KSR1: variants seen among roughly 807,000 people sequenced by gnomAD.
KSR1 encodes kinase suppressor of ras 1.
KSR1 carries 35 observed loss-of-function variants against 92.9 expected under a neutral mutation model. The ratio of observed to expected loss-of-function variants is 0.38; its 90% CI spans 0.29 to 0.50. The LOEUF (loss-of-function observed/expected upper bound fraction) is 0.50. Ranked by LOEUF, KSR1 falls within the 20% of genes least tolerant of loss-of-function variation. The pLI, the probability that KSR1 is intolerant of heterozygous loss-of-function variation, is 0.94. For missense variants in KSR1, 972 were observed against 1,158.5 expected, an observed-to-expected ratio of 0.84 and a Z score of 2.34; for synonymous variants, 467 against 472.6, an observed-to-expected ratio of 0.99 and a Z score of 0.15.
intron 5 of KSR1, 40 bp from the exon 6 acceptor site, chr17:27,588,435 G>T: frequency 6.5e-7 from 1 of 1,541,576 alleles, no homozygotes; most frequent in Non-Finnish European, 8.8e-7. Context: ...TGTCGCCTGC[G>T]GAGTTCCTCA....
intron 18 of KSR1, among the ~76,000 whole-genome samples, chr17:27,616,224 A>G (rs896460296): frequency 3.9e-5 from 6 of 152,074 alleles, no homozygotes; most frequent in African/African-American, 1.4e-4. Context: ...TTCCTGCCCA[A>G]TAGTCTGTTT....
At chr17:27,498,389 A>C (rs1282272827) in intron 1 of KSR1, among the ~76,000 whole-genome samples, 1 of 151,990 alleles carries the variant, frequency 6.6e-6, no homozygotes, top group Non-Finnish European at 1.5e-5. Flanking sequence ...ACTTACACAC[A>C]ACTTGATGTG....
chr17:27,515,559 C>T (rs1045642983), intron 1 of KSR1, among the ~76,000 whole-genome samples: 3 of 149,896 alleles, frequency 2.0e-5, no homozygotes, highest in Non-Finnish European at 4.4e-5. Context: ...CTTTGCCTCT[C>T]ATATAATGGT....
At chr17:27,477,247 C>G (rs1162799197) in intron 1 of KSR1, among the ~76,000 whole-genome samples, 2 of 152,192 alleles carry the variant, frequency 1.3e-5, no homozygotes, top group African/African-American at 4.8e-5. Flanking sequence ...TTTGTGCTGA[C>G]CTCCTGTCTC....
chr17:27,555,537 T>C (rs1386301050), intron 2 of KSR1, among the ~76,000 whole-genome samples: 5 of 147,456 alleles, frequency 3.4e-5, no homozygotes, highest in Non-Finnish European at 6.0e-5. Context: ...TGTGTGTGTG[T>C]AGCACTTCCG....
intron 1 of KSR1, among the ~76,000 whole-genome samples, chr17:27,503,496 C>T (rs756575798): frequency 4.6e-5 from 7 of 152,260 alleles, no homozygotes; most frequent in Non-Finnish European, 8.8e-5. Context: ...GTCAGAAGTT[C>T]GAGATTCTCT....
chr17:27,616,921 A>G (rs2074077141), intron 18 of KSR1, among the ~76,000 whole-genome samples: 2 of 152,190 alleles, frequency 1.3e-5, no homozygotes, highest in African/African-American at 4.8e-5. Context: ...CGCCTTGCGC[A>G]TATTCCGAGC....
Position 27,611,632 on chromosome 17 carries a change from A to AAGT in KSR1, c.2493+8_2493+10dup. On this transcript the variant is annotated splice_donor_region_variant and intron_variant, in intron 18 of 20. Transcript: ENST00000644974. ...TCAGCTTGGGGAAGGAAGTCAGTGTAAGTAGTACCTGCCCTGGGTGGAGCA... is the reference window on the plus strand; with the variant it reads ...TCAGCTTGGGGAAGGAAGTCAGTGTAAGTAGTAGTACCTGCCCTGGGTGGAGCA... The AAGT allele has an allele frequency of 6.2e-7, 1 of 1,613,760 alleles. No homozygotes were observed. Among genetic ancestry groups the AAGT allele is most frequent in the Non-Finnish European group, 8.5e-7 (1 of 1,179,740 alleles).
chr17:27,605,949 T>C, intron 14 of KSR1, 136 bp downstream of exon 14: 1 of 1,040,664 alleles, frequency 9.6e-7, no homozygotes, highest in Non-Finnish European at 1.4e-6. Context: ...AAATGGGGTA[T>C]AACTTCCTAA....
intron 18 of KSR1, among the ~76,000 whole-genome samples, chr17:27,616,843 T>TAAA (rs1172532329): frequency 6.6e-6 from 1 of 152,228 alleles, no homozygotes; most frequent in Non-Finnish European, 1.5e-5. Flanking sequence ...GCTGCCCGTA[T>TAAA]ATCGAGTCTT....
intron 1 of KSR1, among the ~76,000 whole-genome samples, chr17:27,523,014 T>C (rs1236291712): frequency 6.6e-6 from 1 of 152,196 alleles, no homozygotes; most frequent in African/African-American, 2.4e-5. Flanking sequence ...GCCTCCTCTC[T>C]CACACAGGGC....
chr17:27,610,252 G>C (rs2073877056), intron 17 of KSR1, 54 bp downstream of exon 17: 2 of 1,610,002 alleles, frequency 1.2e-6, no homozygotes, highest in African/African-American at 2.7e-5. Flanking sequence ...AGAGGGCCCT[G>C]GTGGCCATTG....
At chr17:27,578,219 C>G (rs916284974) in intron 3 of KSR1, 2 of 165,866 alleles carry the variant, frequency 1.2e-5, no homozygotes. Flanking sequence ...AATGGTCCCA[C>G]TACCACATAG....
intron 4 of KSR1, among the ~76,000 whole-genome samples, chr17:27,583,336 G>A (rs186697966): frequency 6.6e-6 from 1 of 152,238 alleles, no homozygotes. Context: ...TGCCACGTAT[G>A]GGTCAGGGTA....
Position 27,459,965 on chromosome 17 carries a change from C to T in KSR1, c.231+3091C>T, listed in dbSNP as rs2019352178. On this transcript the variant is annotated intron_variant, in intron 1 of 20. Transcript: ENST00000644974. This position sits in a 1 kb window ranked among gnomAD's most constrained non-coding sequence, Gnocchi z 4.6. ...GCGTGCCTGACTCTTCTCAAACTCA[C>T]ACACGTTCCTGGAGATCAGCAGTTT... Among the ~76,000 whole-genome samples, 1 of 152,232 alleles carries T rather than the reference C, an allele frequency of 6.6e-6. No individual in the cohort carries two copies. The highest frequency in any genetic ancestry group is 2.4e-5 in the African/African-American group (1 of 41,454).
chr17:27,608,018 G>A lies in KSR1; in HGVS notation c.2091+8G>A. 6.3e-7 allele frequency: 1 copy of A among 1,595,320 alleles called. No individual in the cohort carries two copies. Among genetic ancestry groups the A allele is most frequent in the Non-Finnish European group, 8.6e-7 (1 of 1,168,630 alleles). On this transcript the variant is annotated splice_region_variant and intron_variant, in intron 15 of 20. Coordinates refer to ENST00000644974, the MANE Select transcript of KSR1 (RefSeq NM_001394583.1). The stretch of plus-strand genomic sequence containing the variant: ...GCTCAGGAGATCATCAAGGTGAGGG[G>A]GTGCCCAGCTGCTGGGGGTGGGTTT...
At position 27,583,150 on chromosome 17, in the gene KSR1, T is replaced by C. The variant is rs540969053; in HGVS notation, c.980+45T>C. 3.8e-5 allele frequency: 50 copies of C among 1,315,576 alleles called. No homozygotes were observed. In the African/African-American group the frequency reaches 5.8e-4, roughly 15 times the overall value. 81.5% of individuals were successfully genotyped at this position (1,315,576 alleles called of 1,614,324 possible). Reference sequence around the variant, plus strand: ...AGCTACCAAAAGTGCCCTCTGTGGTTTTCTAATCATAAAGATATATGGAAG... The same window carrying C: ...AGCTACCAAAAGTGCCCTCTGTGGTCTTCTAATCATAAAGATATATGGAAG... On this transcript the variant is annotated intron_variant, in intron 4 of 20. Transcript: ENST00000644974.
intron 17 of KSR1, among the ~76,000 whole-genome samples, chr17:27,610,989 A>G (rs1039794041): frequency 3.3e-5 from 5 of 152,154 alleles, no homozygotes; most frequent in African/African-American, 1.2e-4. Context: ...TAGAGAGGCC[A>G]AGGAAGGCTC....
intron 10 of KSR1, 27 bp from the exon 11 acceptor site, chr17:27,601,333 G>A (rs764167365): frequency 3.1e-6 from 5 of 1,608,276 alleles, no homozygotes; most frequent in Admixed American, 3.3e-5. Flanking sequence ...TTCTGTGTGT[G>A]TGACTCACCT....
Sources: allele counts gnomAD v4.1 joint callset (sites outside exome capture counted in the v4.1 genomes callset), GRCh38; gene constraint gnomAD v4.1.1; non-coding constraint Gnocchi (gnomAD v3.1); transcripts MANE v1.5; gene names NCBI Gene and HGNC (gene_info 2026-07-23, HGNC 2026-07-21).